OR2F1: variants seen among roughly 807,000 people sequenced by gnomAD.
The protein encoded by OR2F1 is olfactory receptor family 2 subfamily F member 1.
For missense variants in OR2F1, 389 were observed against 378.2 expected, an observed-to-expected ratio of 1.03 and a Z score of -0.24; for synonymous variants, 146 against 155.3, an observed-to-expected ratio of 0.94 and a Z score of 0.44.
chr7:143,961,050 T>C lies in OR2F1; in HGVS notation c.*126T>C, dbSNP rs1262078313. 8 of 709,950 alleles carry C rather than the reference T, an allele frequency of 1.1e-5. No individual in the cohort carries two copies. Among genetic ancestry groups the C allele is most frequent in the Non-Finnish European group, 1.9e-5 (8 of 421,208 alleles). The allele number at this position is 709,950 out of a possible 1,614,324, so 44.0% of individuals were successfully genotyped here. On this transcript the variant is annotated 3_prime_UTR_variant, in exon 3 of 3. Transcript: ENST00000641412. ...GATGACGTAGCATGTACTGTGGATG[T>C]TATGGAGGAGGGGGAGTGGTTCAAT...
rs1435080959 is a variant in OR2F1 at position 143,961,567 on chromosome 7, G to A, written c.*643G>A. The A allele has an allele frequency of 6.6e-6, 1 of 152,394 alleles. No individual in the cohort carries two copies. The highest frequency in any genetic ancestry group is 2.4e-5 in the African/African-American group (1 of 41,448). The allele number at this position is 152,394 out of a possible 1,614,324, so 9.4% of individuals were successfully genotyped here. A position where few individuals can be genotyped will look rare whatever the true frequency, so the allele number is the denominator to read the frequency against. The stretch of plus-strand genomic sequence containing the variant: ...ATAGGGTGACAGTCAATGGTTGTTT[G>A]TACTGAAGACAATTATTGACCAAGA... On this transcript the variant is annotated 3_prime_UTR_variant, in exon 3 of 3. Coordinates refer to ENST00000641412, the MANE Select transcript of OR2F1 (RefSeq NM_012369.3).
chr7:143,964,259 G>C lies in OR2F1; in HGVS notation c.*3335G>C, dbSNP rs1225345007. ...TTATTGTTTATTTAGCCATTAAATA[G>C]AAAAAATTTAAAAAGACACTGAAAA... On this transcript the variant is annotated 3_prime_UTR_variant, in exon 3 of 3. Coordinates refer to ENST00000641412, the MANE Select transcript of OR2F1 (RefSeq NM_012369.3). 3 of 151,564 alleles carry C rather than the reference G, an allele frequency of 2.0e-5. No homozygotes were observed. The highest frequency in any genetic ancestry group is 2.9e-5 in the Non-Finnish European group (2 of 67,860). 9.4% of individuals were successfully genotyped at this position (151,564 alleles called of 1,614,324 possible).
Position 143,960,256 on chromosome 7 carries a change from A to C in OR2F1, c.286A>C (p.Ser96Arg). The C allele has an allele frequency of 1.9e-6, 3 of 1,614,056 alleles. No individual in the cohort carries two copies. Among genetic ancestry groups the C allele is most frequent in the Non-Finnish European group, 2.5e-6 (3 of 1,180,014 alleles). ...AGAACATAAAGCCATCCCATTCCAG[A>C]GCTGTGCAGCCCAGTTATTTTTCTC... ...LAEHKAIPFQ[S>R]CAAQLFFSLA... Residue 96 changes from serine to arginine, a missense_variant, in exon 3 of 3, where the codon AGC (serine) becomes CGC (arginine). Coordinates refer to ENST00000641412, the MANE Select transcript of OR2F1 (RefSeq NM_012369.3).
At chr7:143,959,290 G>GT (rs1473150435) in intron 2 of OR2F1, among the ~76,000 whole-genome samples, 182 bp downstream of exon 2, 3 of 152,076 alleles carry the variant, frequency 2.0e-5, no homozygotes, top group African/African-American at 7.2e-5. Flanking sequence ...GTTATTGATA[G>GT]TAATTATTAT....
chr7:143,956,970 T>C (rs2050290338), intron 1 of OR2F1, among the ~76,000 whole-genome samples: 1 of 152,028 alleles, frequency 6.6e-6, no homozygotes, highest in African/African-American at 2.4e-5. Context: ...CTGCCGATAG[T>C]AAAAAAGAAC....
At chr7:143,958,047 C>CA (rs1212191525) in intron 1 of OR2F1, among the ~76,000 whole-genome samples, 1 of 152,088 alleles carries the variant, frequency 6.6e-6, no homozygotes, top group Non-Finnish European at 1.5e-5. Flanking sequence ...GCAGGGTCTC[C>CA]AGTGCGGCAG....
Position 143,960,569 on chromosome 7 carries a change from T to G in OR2F1, c.599T>G (p.Met200Arg). ...ACCTCCTCCAATGAGGTCACCATCA[T>G]GGTGTCTAGCATTGTTCTTCTGATG... ...VDTSSNEVTI[M>R]VSSIVLLMTP... Residue 200 changes from methionine to arginine, a missense_variant, in exon 3 of 3, where the codon ATG becomes AGG. Physicochemically the swap from Met to Arg is moderately conservative, Grantham distance 91. Coordinates refer to ENST00000641412, the MANE Select transcript of OR2F1 (RefSeq NM_012369.3). 3 of 1,614,230 alleles carry G rather than the reference T, an allele frequency of 1.9e-6. No homozygotes were observed. Among genetic ancestry groups the G allele is most frequent in the South Asian group, 1.1e-5 (1 of 91,076 alleles).
chr7:143,955,619 C>T (rs10256718), intron 1 of OR2F1, among the ~76,000 whole-genome samples: 31,090 of 151,946 alleles, frequency 0.2, 4,795 homozygotes, highest in African/African-American at 0.42. Context: ...CTACATTCAC[C>T]CCAATTCATA....
chr7:143,958,002 G>T (rs1057360357), intron 1 of OR2F1, among the ~76,000 whole-genome samples: 1 of 152,146 alleles, frequency 6.6e-6, no homozygotes. Context: ...GAGACATGTT[G>T]GGTGGCTGAG....
rs1259282652 is a variant in OR2F1 at position 143,960,371 on chromosome 7, C to A, written c.401C>A (p.Ala134Asp). 6.2e-7 allele frequency: 1 copy of A among 1,614,160 alleles called. No individual in the cohort carries two copies. The highest frequency in any genetic ancestry group is 1.7e-5 in the Admixed American group (1 of 60,006). ...GTGTGTGATGCCCTGCGATACTCGG[C>A]CATCATGCATGGAGGGCTGTGTGCT... Reference protein sequence around the residue: ...VAVCDALRYSAIMHGGLCARL... With the variant: ...VAVCDALRYSDIMHGGLCARL... The change falls in exon 3 of 3, where the codon GCC (alanine) becomes GAC (aspartate). Residue 134 changes from alanine (A) to aspartate (D), a missense_variant. By Grantham distance (126) the Ala-to-Asp change is moderately radical. Transcript: ENST00000641412.
rs187749294 is a variant in OR2F1, at chr7:143,961,225, C to T, written c.*301C>T. 81 of 308,242 alleles carry T rather than the reference C, an allele frequency of 2.6e-4. No homozygotes were observed. Among genetic ancestry groups the T allele is most frequent in the African/African-American group, 1.4e-3 (68 of 47,464 alleles). The allele number at this position is 308,242 out of a possible 1,614,324, so 19.1% of individuals were successfully genotyped here. A position where few individuals can be genotyped will look rare whatever the true frequency, so the allele number is the denominator to read the frequency against. ...TACTTACTGTTTTGATTTGTCATATCGTTTGTAATGATAGACCTACTCATG... is the reference window on the plus strand; with the variant it reads ...TACTTACTGTTTTGATTTGTCATATTGTTTGTAATGATAGACCTACTCATG... On this transcript the variant is annotated 3_prime_UTR_variant, in exon 3 of 3. Coordinates refer to ENST00000641412, the MANE Select transcript of OR2F1 (RefSeq NM_012369.3).
chr7:143,960,207 T>C lies in OR2F1; in HGVS notation c.237T>C (p.Pro79=), dbSNP rs751108656. 2.2e-5 allele frequency: 35 copies of C among 1,614,016 alleles called. No homozygotes were observed. Among genetic ancestry groups the C allele is most frequent in the African/African-American group, 5.3e-5 (4 of 74,920 alleles). ...TCTCCTATGCCACAAGTGTAGTCCC[T>C]CAGCTGCTGGCACATTTTCTTGCAG... ...VDVSYATSVV[P]QLLAHFLAEH... The change falls in exon 3 of 3, where the codon CCT becomes CCC. Residue 79 remains proline (P), a synonymous_variant. Transcript: ENST00000641412.
rs369493419 is a variant in OR2F1 at position 143,960,690 on chromosome 7, G to T, written c.720G>T (p.Thr240=). ...SREGRKKAFH[T]CASHLTVVAL... The stretch of plus-strand genomic sequence containing the variant: ...AAGGAAGAAAGAAAGCTTTCCACAC[G>T]TGTGCCTCTCACCTCACAGTGGTTG... The change falls in exon 3 of 3, where the codon ACG becomes ACT. Residue 240 remains threonine, a synonymous_variant. Transcript: ENST00000641412. 1.2e-6 allele frequency: 2 copies of T among 1,614,064 alleles called. No homozygotes were observed. The highest frequency in any genetic ancestry group is 4.5e-5 in the East Asian group (2 of 44,868).
intron 1 of OR2F1, among the ~76,000 whole-genome samples, chr7:143,957,625 AG>A (rs1235084782): frequency 6.6e-6 from 1 of 152,196 alleles, no homozygotes; most frequent in Non-Finnish European, 1.5e-5. Flanking sequence ...GGAGTTACTC[AG>A]GAACAAGAGG....
rs1471471952 is a variant in OR2F1 at position 143,963,187 on chromosome 7, A to G, written c.*2263A>G. 1 of 152,254 alleles carries G rather than the reference A, an allele frequency of 6.6e-6. No individual in the cohort carries two copies. Among genetic ancestry groups the G allele is most frequent in the Non-Finnish European group, 1.5e-5 (1 of 68,042 alleles). 9.4% of individuals were successfully genotyped at this position (152,254 alleles called of 1,614,324 possible). A position where few individuals can be genotyped will look rare whatever the true frequency, so the allele number is the denominator to read the frequency against. On this transcript the variant is annotated 3_prime_UTR_variant, in exon 3 of 3. Coordinates refer to ENST00000641412, the MANE Select transcript of OR2F1 (RefSeq NM_012369.3). ...ATGGTATGGGAAAGAGATAAGAAGAAAGTAATCAAAAATACAAACATACAC... is the reference window on the plus strand; with the variant it reads ...ATGGTATGGGAAAGAGATAAGAAGAGAGTAATCAAAAATACAAACATACAC...
At chr7:143,955,572 A>G (rs779984044) in intron 1 of OR2F1, among the ~76,000 whole-genome samples, 3 of 152,178 alleles carry the variant, frequency 2.0e-5, no homozygotes, top group South Asian at 2.1e-4. Flanking sequence ...ACTATATCAC[A>G]CATTGTTTTC....
chr7:143,957,276 C>T (rs79019158), intron 1 of OR2F1, among the ~76,000 whole-genome samples: 2 of 152,160 alleles, frequency 1.3e-5, no homozygotes, highest in African/African-American at 4.8e-5. Context: ...AAGGCAAATT[C>T]GATTGGAGGA....
At position 143,960,563 on chromosome 7, in the gene OR2F1, C is replaced by T. The variant is rs776312015; in HGVS notation, c.593C>T (p.Thr198Ile). The change falls in exon 3 of 3, where the codon ACC becomes ATC. Residue 198 changes from threonine to isoleucine, a missense_variant. Transcript: ENST00000641412. ...GTGGACACCTCCTCCAATGAGGTCA[C>T]CATCATGGTGTCTAGCATTGTTCTT... is the stretch of plus-strand genomic sequence containing the variant. The part of the protein sequence containing the change: ...ACVDTSSNEV[T>I]IMVSSIVLLM... 1.2e-6 allele frequency: 2 copies of T among 1,614,094 alleles called. No homozygotes were observed. Among genetic ancestry groups the T allele is most frequent in the Non-Finnish European group, 1.7e-6 (2 of 1,180,044 alleles).
At chr7:143,955,841 A>G (rs2050281427) in intron 1 of OR2F1, among the ~76,000 whole-genome samples, 1 of 152,200 alleles carries the variant, frequency 6.6e-6, no homozygotes, top group Non-Finnish European at 1.5e-5. Context: ...GTAAAATAGA[A>G]TTTTATTGCT....
Sources: allele counts gnomAD v4.1 joint callset (sites outside exome capture counted in the v4.1 genomes callset), GRCh38; gene constraint gnomAD v4.1.1; transcripts MANE v1.5; gene names NCBI Gene and HGNC (gene_info 2026-07-23, HGNC 2026-07-21).